The following ZNF536 variants were observed in gnomAD, a reference collection of about 807,000 sequenced individuals.
ZNF536 encodes the protein zinc finger protein 536.
Under a neutral mutation model 84.5 loss-of-function variants are expected in ZNF536, and 13 were observed. The observed-to-expected ratio is 0.15, with a 90% CI of 0.10 to 0.24. ZNF536 has a LOEUF of 0.24. Ranked by LOEUF, ZNF536 falls within the 10% of genes least tolerant of loss-of-function variation. ZNF536 has a pLI of 1.00. For synonymous variants in ZNF536, 811 were observed against 742.5 expected (o/e 1.09, Z -1.50); for missense variants, 1,536 against 1,747.5 (o/e 0.88, Z 2.16).
intron 2 of ZNF536, among the ~76,000 whole-genome samples, chr19:30,506,425 G>A (rs767280436): frequency 6.6e-5 from 10 of 152,206 alleles, no homozygotes; most frequent in Non-Finnish European, 1.3e-4. Flanking sequence ...TCTTGGTGTG[G>A]TAGTAACAAG....
intron 1 of ZNF536, among the ~76,000 whole-genome samples, chr19:30,593,454 G>A (rs561610496): frequency 6.6e-6 from 1 of 152,272 alleles, no homozygotes; most frequent in Admixed American, 6.5e-5. Context: ...GCAGCAGACA[G>A]GCCACACCCA....
intron 2 of ZNF536, among the ~76,000 whole-genome samples, chr19:30,293,562 G>A (rs2045908068): frequency 6.6e-6 from 1 of 152,152 alleles, no homozygotes; most frequent in Non-Finnish European, 1.5e-5. Flanking sequence ...TCAACAATAG[G>A]CTTCACGCGG....
At chr19:30,506,538 G>A (rs2055181182) in intron 2 of ZNF536, among the ~76,000 whole-genome samples, 1 of 152,174 alleles carries the variant, frequency 6.6e-6, no homozygotes, top group Admixed American at 6.5e-5. Flanking sequence ...TTGTGCTGAG[G>A]CGAGGGGAGG....
At chr19:30,411,609 A>G (rs549346156) in intron 1 of ZNF536, among the ~76,000 whole-genome samples, 79 of 152,246 alleles carry the variant, frequency 5.2e-4, no homozygotes, top group African/African-American at 1.8e-3. Context: ...CATCACCTTT[A>G]TCAAAACCAC....
intron 1 of ZNF536, among the ~76,000 whole-genome samples, chr19:30,704,189 G>A (rs1404722075): frequency 2.6e-5 from 4 of 152,142 alleles, no homozygotes; most frequent in South Asian, 2.1e-4. Context: ...CTTCAGTTCC[G>A]CCACAATGGA....
At chr19:30,666,754 A>G (rs998523705) in intron 1 of ZNF536, among the ~76,000 whole-genome samples, 2 of 151,428 alleles carry the variant, frequency 1.3e-5, no homozygotes, top group East Asian at 3.9e-4. Context: ...TATATATATA[A>G]TATAAATATA....
chr19:30,699,159 A>G (rs1195752392), intron 1 of ZNF536, among the ~76,000 whole-genome samples: 1 of 152,020 alleles, frequency 6.6e-6, no homozygotes, highest in Non-Finnish European at 1.5e-5. Context: ...CCCCGGGATT[A>G]TTTTGGTGTA....
chr19:30,642,954 C>A (rs1399685049), intron 1 of ZNF536, among the ~76,000 whole-genome samples: 1 of 152,180 alleles, frequency 6.6e-6, no homozygotes, highest in Non-Finnish European at 1.5e-5. Flanking sequence ...TTTCTTTTAG[C>A]CTTTTATGTC....
chr19:30,233,792 C>A (rs2023261630), intron 1 of ZNF536, among the ~76,000 whole-genome samples: 1 of 151,972 alleles, frequency 6.6e-6, no homozygotes, highest in Admixed American at 6.6e-5. Flanking sequence ...AGGATTAGAC[C>A]CATCCTTTAT....
chr19:30,420,878 G>T (rs2050926313), intron 1 of ZNF536, among the ~76,000 whole-genome samples: 1 of 152,140 alleles, frequency 6.6e-6, no homozygotes, highest in Non-Finnish European at 1.5e-5. Context: ...CGTCCATTTG[G>T]GCCAGGTTCT....
intron 1 of ZNF536, among the ~76,000 whole-genome samples, chr19:30,614,941 A>ACTTTTTT (rs1568604841): frequency 2.9e-5 from 1 of 34,372 alleles, no homozygotes; most frequent in South Asian, 1.2e-3. Flanking sequence ...CCCCCTTTTC[A>ACTTTTTT]ATTTTTTTTT....
chr19:30,599,005 T>TTCCCTCTTCCTCCCTCCCTCCC (rs1599935453), intron 1 of ZNF536, among the ~76,000 whole-genome samples: 1 of 83,612 alleles, frequency 1.2e-5, no homozygotes, highest in African/African-American at 4.5e-5. Context: ...CCCTTCCTCC[T>TTCCCTCTTCCTCCCTCCCTCCC]TCCCTCTTCC....
intron 2 of ZNF536, among the ~76,000 whole-genome samples, chr19:30,493,953 A>AC (rs1291865232): frequency 2.0e-5 from 3 of 152,210 alleles, no homozygotes; most frequent in Non-Finnish European, 2.9e-5. Context: ...CTGCACAGAT[A>AC]CAAGGCAGCA....
At chr19:30,243,533 A>T (rs2024077366) in intron 1 of ZNF536, among the ~76,000 whole-genome samples, 1 of 152,228 alleles carries the variant, frequency 6.6e-6, no homozygotes, top group Non-Finnish European at 1.5e-5. Context: ...TTAATCATGA[A>T]AACTGACACG....
intron 1 of ZNF536, among the ~76,000 whole-genome samples, chr19:30,669,585 G>A (rs775762428): frequency 1.5e-4 from 23 of 152,182 alleles, no homozygotes; most frequent in Non-Finnish European, 3.1e-4. Context: ...CCTGCTGCGG[G>A]GACCTGAACT....
In ZNF536 at chr19:30,575,152, T is replaced by C. The variant is rs536173365; in HGVS notation, c.169+25638T>C. On this transcript the variant is annotated intron_variant, in intron 1 of 1. Transcript: ENST00000592773. ...TTCATTCATTCATTCATTCATTCAT[T>C]CAGCAAGCAAGCATTGATGGAACAT... is the stretch of plus-strand genomic sequence containing the variant. Among the ~76,000 whole-genome samples, 47 of 152,316 alleles carry C rather than the reference T, an allele frequency of 3.1e-4. 1 individual carries two copies. The highest frequency in any genetic ancestry group is 3.4e-3 in the Middle Eastern group (1 of 294).
At chr19:30,240,588 C>T (rs997569489) in intron 1 of ZNF536, among the ~76,000 whole-genome samples, 1 of 152,186 alleles carries the variant, frequency 6.6e-6, no homozygotes, top group African/African-American at 2.4e-5. Flanking sequence ...CTCCCACTGG[C>T]CCGCACATGA....
intron 1 of ZNF536, among the ~76,000 whole-genome samples, chr19:30,577,848 T>G (rs1215460658): frequency 6.6e-6 from 1 of 152,224 alleles, no homozygotes. Context: ...ATGTTCCATC[T>G]TTTCAAATGC....
Position 30,324,066 on chromosome 19 carries a change from A to G in ZNF536, c.-119-28302A>G, listed in dbSNP as rs896060639. On this transcript the variant is annotated intron_variant, in intron 2 of 5. Coordinates refer to the ZNF536 transcript ENST00000585628. ...CATCCATCTATCCATGTATCTACTT[A>G]TTCATCATCATCCATCATCTATTCA... Among the ~76,000 whole-genome samples the G allele has an allele frequency of 5.9e-5, 9 of 151,548 alleles. 1 individual carries two copies. The highest frequency in any genetic ancestry group is 2.2e-4 in the African/African-American group (9 of 41,246).
Sources: gnomAD v4.1 joint callset for allele counts (sites outside exome capture counted in the v4.1 genomes callset) on GRCh38, gnomAD v4.1.1 for gene constraint, MANE v1.5 for transcripts, NCBI Gene and HGNC (gene_info 2026-07-23, HGNC 2026-07-21) for gene names.